The following CCSER1 variants were observed in gnomAD, a reference collection of about 807,000 sequenced individuals.
The protein encoded by CCSER1 is coiled-coil serine rich protein 1, also known as serine-rich coiled-coil domain-containing protein 1.
In CCSER1, 41 loss-of-function variants were observed where a neutral mutation model predicts 82.0. That is an observed-to-expected ratio of 0.50 (90% CI 0.39 to 0.65). The LOEUF (loss-of-function observed/expected upper bound fraction) is 0.65, where lower values mean the gene tolerates loss of function less well. Ranked by LOEUF, CCSER1 falls within the 30% of genes least tolerant of loss-of-function variation. The pLI is 0.00. For missense variants in CCSER1, 1,119 were observed against 1,064.2 expected (o/e 1.05, Z -0.72); for synonymous variants, 414 against 383.9 (o/e 1.08, Z -0.92).
At position 91,599,122 on chromosome 4, in the gene CCSER1, A is replaced by G. The variant is rs142684466; in HGVS notation, c.*65A>G. 1.8e-5 allele frequency: 25 copies of G among 1,415,114 alleles called. No individual in the cohort carries two copies. Among genetic ancestry groups the G allele is most frequent in the Non-Finnish European group, 2.2e-5 (24 of 1,073,494 alleles). 87.7% of individuals were successfully genotyped at this position (1,415,114 alleles called of 1,614,324 possible). ...GGTTAGTGTTTCTCGTGCATAGTTC[A>G]TATTAAAATTGTCATGTACTTTTTC... On this transcript the variant is annotated 3_prime_UTR_variant, in exon 11 of 11. Transcript: ENST00000509176.
chr4:91,460,129 G>A (rs564902194), intron 10 of CCSER1, among the ~76,000 whole-genome samples: 1 of 152,270 alleles, frequency 6.6e-6, no homozygotes, highest in African/African-American at 2.4e-5. Context: ...AGCTTCCATG[G>A]AGAGTTGAAA....
intron 3 of CCSER1, among the ~76,000 whole-genome samples, chr4:90,384,905 C>T (rs987242839): frequency 6.6e-6 from 1 of 152,126 alleles, no homozygotes; most frequent in Non-Finnish European, 1.5e-5. Context: ...TCCTCTGAGT[C>T]TCCAGTGTCT....
At chr4:90,768,103 G>C (rs1236032322) in intron 7 of CCSER1, among the ~76,000 whole-genome samples, 4 of 152,292 alleles carry the variant, frequency 2.6e-5, no homozygotes, top group African/African-American at 9.6e-5. Flanking sequence ...TCACTTTCAT[G>C]ATTAGTTTAC....
intron 1 of CCSER1, among the ~76,000 whole-genome samples, chr4:90,250,403 G>A (rs547872418): frequency 3.3e-4 from 50 of 152,138 alleles, no homozygotes; most frequent in Admixed American, 5.2e-4. Flanking sequence ...TTTTTGTGTA[G>A]AGTGCAGGAA....
rs535817970 is a variant in CCSER1 at position 90,930,047 on chromosome 4, C to T, written c.2172+6600C>T. ...ACTTAAAAAAATTGAAAAGAGTACA[C>T]ACGCAGGAGGTTTTATATAGTTTAA... On this transcript the variant is annotated intron_variant, in intron 9 of 10. Transcript: ENST00000509176. 2.0e-5 allele frequency among the ~76,000 whole-genome samples: 3 copies of T among 152,178 alleles called. No homozygotes were observed. In the East Asian group the frequency reaches 5.8e-4, roughly 29 times the overall value.
intron 4 of CCSER1, among the ~76,000 whole-genome samples, chr4:90,423,687 G>A: frequency 6.6e-6 from 1 of 152,040 alleles, no homozygotes; most frequent in South Asian, 2.1e-4. Flanking sequence ...ATGTTGCCCA[G>A]GCTGGTCTTG....
chr4:91,387,824 T>C (rs1751394627), intron 10 of CCSER1, among the ~76,000 whole-genome samples: 1 of 152,098 alleles, frequency 6.6e-6, no homozygotes, highest in African/African-American at 2.4e-5. Context: ...AGTTAAAAGT[T>C]CTTGAAGGAG....
At chr4:90,803,094 A>G (rs763970375) in intron 7 of CCSER1, among the ~76,000 whole-genome samples, 3 of 152,206 alleles carry the variant, frequency 2.0e-5, no homozygotes, top group Non-Finnish European at 2.9e-5. Flanking sequence ...ACTCAATGTC[A>G]AACTTGATGT....
chr4:90,339,594 C>A (rs545078218), intron 3 of CCSER1, among the ~76,000 whole-genome samples: 2 of 152,148 alleles, frequency 1.3e-5, no homozygotes, highest in East Asian at 3.9e-4. Flanking sequence ...CAAGCAATTA[C>A]CCACCCCAGT....
At chr4:91,403,935 CTT>C (rs1451413806) in intron 10 of CCSER1, among the ~76,000 whole-genome samples, 1 of 152,184 alleles carries the variant, frequency 6.6e-6, no homozygotes, top group Non-Finnish European at 1.5e-5. Context: ...AGGATTCCCT[CTT>C]TTCCTACTCA....
chr4:90,909,283 AG>A (rs1459210578), intron 8 of CCSER1, among the ~76,000 whole-genome samples: 1 of 152,132 alleles, frequency 6.6e-6, no homozygotes, highest in East Asian at 1.9e-4. Flanking sequence ...ATATCTGCAA[AG>A]GCCCTATTTC....
intron 5 of CCSER1, among the ~76,000 whole-genome samples, chr4:90,566,603 C>CT (rs71596531): frequency 0.062 from 8,488 of 136,762 alleles, 371 homozygotes; most frequent in South Asian, 0.18. Flanking sequence ...TCACAATTAC[C>CT]TTTTTTTTTT....
At position 91,476,589 on chromosome 4, in the gene CCSER1, C is replaced by T. The variant is rs574756567; in HGVS notation, c.2218-121983C>T. 8.6e-5 allele frequency among the ~76,000 whole-genome samples: 13 copies of T among 151,440 alleles called. No homozygotes were observed. The East Asian group carries it at 2.5e-3, about 29-fold the overall frequency. ...GGAACAACAAAACACCTCAAATAGCCAAAGCAATTTTGAGGAAAAAGAACA... is the reference window on the plus strand; with the variant it reads ...GGAACAACAAAACACCTCAAATAGCTAAAGCAATTTTGAGGAAAAAGAACA... On this transcript the variant is annotated intron_variant, in intron 10 of 10. Transcript: ENST00000509176.
At chr4:91,163,492 C>A (rs1400573847) in intron 10 of CCSER1, among the ~76,000 whole-genome samples, 2 of 152,128 alleles carry the variant, frequency 1.3e-5, no homozygotes, top group Non-Finnish European at 2.9e-5. Flanking sequence ...TCCTTGTTAA[C>A]CTTCTGTCTT....
intron 9 of CCSER1, among the ~76,000 whole-genome samples, chr4:91,085,387 C>A (rs560909099): frequency 6.6e-6 from 1 of 152,134 alleles, no homozygotes; most frequent in African/African-American, 2.4e-5. Context: ...ATAACTCTTT[C>A]TTCTTTTAAT....
At chr4:91,058,177 C>G (rs878900272) in intron 9 of CCSER1, among the ~76,000 whole-genome samples, 2 of 152,046 alleles carry the variant, frequency 1.3e-5, no homozygotes, top group Non-Finnish European at 2.9e-5. Context: ...ACCCTTCACC[C>G]TCTGAGAAGC....
chr4:90,606,901 T>C (rs2148795093), intron 5 of CCSER1, among the ~76,000 whole-genome samples: 1 of 152,286 alleles, frequency 6.6e-6, no homozygotes, highest in South Asian at 2.1e-4. Flanking sequence ...GCTTTTGCAT[T>C]TCCACACCAA....
intron 4 of CCSER1, among the ~76,000 whole-genome samples, chr4:90,411,428 A>G (rs912326118): frequency 2.6e-5 from 4 of 152,336 alleles, no homozygotes; most frequent in Admixed American, 2.6e-4. Context: ...ATCCACCACG[A>G]TCACATGGGC....
At chr4:90,816,684 A>T (rs17017669) in intron 8 of CCSER1, among the ~76,000 whole-genome samples, 50,783 of 151,976 alleles carry the variant, frequency 0.33, 8,642 homozygotes, top group East Asian at 0.42. Flanking sequence ...CTGACTCATT[A>T]TCAAGATCAA....
Sources: allele counts gnomAD v4.1 joint callset (sites outside exome capture counted in the v4.1 genomes callset), GRCh38; gene constraint gnomAD v4.1.1; transcripts MANE v1.5; gene names NCBI Gene and HGNC (gene_info 2026-07-23, HGNC 2026-07-21).